ADGRB1: variants seen among roughly 807,000 people sequenced by gnomAD.
The protein encoded by ADGRB1 is adhesion G protein-coupled receptor B1.
ADGRB1 carries 36 observed loss-of-function variants against 175.7 expected under a neutral mutation model. That is an observed-to-expected ratio of 0.20 (90% CI 0.16 to 0.27). ADGRB1 has a LOEUF of 0.27. ADGRB1 is among the 10% of genes least tolerant of loss of function. ADGRB1 has a pLI of 1.00. For synonymous variants in ADGRB1, 1,054 were observed against 979.4 expected (o/e 1.08, Z -1.42); for missense variants, 1,731 against 2,255.3 (o/e 0.77, Z 4.71).
chr8:142,469,712 T>C (rs1840541450), intron 2 of ADGRB1, among the ~76,000 whole-genome samples: 1 of 151,726 alleles, frequency 6.6e-6, no homozygotes, highest in Admixed American at 6.6e-5. Context: ...TGTGTGTGAA[T>C]GTGAGTGCAT....
At chr8:142,482,927 G>A (rs1841438800) in intron 11 of ADGRB1, among the ~76,000 whole-genome samples, 1 of 148,632 alleles carries the variant, frequency 6.7e-6, no homozygotes, top group African/African-American at 2.5e-5. Context: ...GTCACAAACT[G>A]AGCCCTGATC....
intron 1 of ADGRB1, among the ~76,000 whole-genome samples, chr8:142,453,295 GT>G (rs1839472397): frequency 6.6e-6 from 1 of 152,234 alleles, no homozygotes; most frequent in Admixed American, 6.5e-5. Context: ...TCTCGCGCCG[GT>G]GTGGCCCCGG....
chr8:142,480,273 G>C (rs138514919), intron 9 of ADGRB1, among the ~76,000 whole-genome samples: 1 of 152,322 alleles, frequency 6.6e-6, no homozygotes, highest in Non-Finnish European at 1.5e-5. Context: ...CAGGCAGCAG[G>C]CAGAGAGGAT....
rs747615332 is a variant in ADGRB1 at position 142,542,500 on chromosome 8, C to T, written c.4266C>T (p.Pro1422=). ...PPPPPPPPPP[P]QQPLPPPPNL... ...CTCCGCCCCCACCGCCACCACCTCC[C>T]CAGCAGCCCCTGCCCCCACCGCCCA... The change falls in exon 28 of 31, where the codon CCC becomes CCT. Residue 1422 remains proline (P), a synonymous_variant. Coordinates refer to ENST00000517894, the MANE Select transcript of ADGRB1 (RefSeq NM_001702.3). The surrounding 1 kb of genome is among the most constrained non-coding windows in gnomAD (Gnocchi z 6.3). 165 of 1,393,208 alleles carry T rather than the reference C, an allele frequency of 1.2e-4. 1 individual carries two copies. In the South Asian group the frequency reaches 2.2e-3, roughly 19 times the overall value. The allele number at this position is 1,393,208 out of a possible 1,614,324, so 86.3% of individuals were successfully genotyped here.
rs1184167552 is a variant in ADGRB1, at chr8:142,544,824, C to T, written c.*407C>T. 2 of 156,428 alleles carry T rather than the reference C, an allele frequency of 1.3e-5. No individual in the cohort carries two copies. The highest frequency in any genetic ancestry group is 1.4e-5 in the Non-Finnish European group (1 of 70,980). The allele number at this position is 156,428 out of a possible 1,614,324, so 9.7% of individuals were successfully genotyped here. On this transcript the variant is annotated 3_prime_UTR_variant, in exon 31 of 31. Transcript: ENST00000517894. ...CCGTTTTTTAAACACCCCCATCCCT[C>T]GGGAAGCAGCCAGCTCCCCACACCT...
intron 13 of ADGRB1, 112 bp from the exon 14 acceptor site, chr8:142,488,252 G>A (rs568859398): frequency 8.3e-6 from 12 of 1,438,088 alleles, no homozygotes; most frequent in African/African-American, 5.6e-5. Flanking sequence ...TGGGCACCCC[G>A]CGGCATCAGC....
intron 2 of ADGRB1, 86 bp downstream of exon 2, chr8:142,465,068 AAGTG>A: frequency 5.0e-6 from 5 of 998,120 alleles, no homozygotes; most frequent in South Asian, 1.7e-5. Context: ...CGGATGGGGG[AAGTG>A]GGCGGACAGA....
At chr8:142,497,733 C>T (rs1042778440) in intron 17 of ADGRB1, among the ~76,000 whole-genome samples, 3 of 152,240 alleles carry the variant, frequency 2.0e-5, no homozygotes, top group Non-Finnish European at 4.4e-5. Flanking sequence ...TCCCGGGTAC[C>T]CCTTTCTCTG....
Position 142,478,368 on chromosome 8 carries a change from G to T in ADGRB1, c.1561+8G>T, listed in dbSNP as rs777883750. 2.5e-5 allele frequency: 40 copies of T among 1,590,682 alleles called. No individual in the cohort carries two copies. Among genetic ancestry groups the T allele is most frequent in the Non-Finnish European group, 3.4e-5 (40 of 1,167,358 alleles). ...TCCTGCAGCAGTGCCCAGGTCAGGG[G>T]TGCGCCAGGCTGGGGTCGGGGGGCA... On this transcript the variant is annotated splice_region_variant and intron_variant, in intron 7 of 30. Transcript: ENST00000517894.
intron 19 of ADGRB1, 77 bp downstream of exon 19, chr8:142,518,318 C>T (rs1587395344): frequency 1.9e-5 from 29 of 1,494,982 alleles, no homozygotes; most frequent in South Asian, 9.2e-5. Context: ...AGGTCACGGG[C>T]GGGGTCGTGG....
intron 30 of ADGRB1, 93 bp from the exon 31 acceptor site, chr8:142,544,127 C>T: frequency 7.3e-7 from 1 of 1,362,910 alleles, no homozygotes; most frequent in Non-Finnish European, 1.0e-6. Flanking sequence ...GTCCCTTCCT[C>T]ACTGATTCGT....
chr8:142,518,832 G>A (rs1333738981), intron 19 of ADGRB1, among the ~76,000 whole-genome samples: 4 of 152,254 alleles, frequency 2.6e-5, no homozygotes, highest in African/African-American at 7.2e-5. Flanking sequence ...GTGTGGAGCA[G>A]GGAGCAAGGG....
Position 142,474,795 on chromosome 8 carries a change from G to T in ADGRB1, c.785-679G>T, listed in dbSNP as rs75381768. The stretch of plus-strand genomic sequence containing the variant: ...GAGCGGCCGGGGTCAGGGCAGGGGC[G>T]TGGCGGGGAGGCGCCTGCAGGCATT... On this transcript the variant is annotated intron_variant, in intron 2 of 30. Coordinates refer to ENST00000517894, the MANE Select transcript of ADGRB1 (RefSeq NM_001702.3). The surrounding 1 kb of genome is among the most constrained non-coding windows in gnomAD (Gnocchi z 5.8). Among the ~76,000 whole-genome samples the T allele has an allele frequency of 0.14, 21,136 of 152,108 alleles. 1,706 individuals are homozygous for T. Among genetic ancestry groups the T allele is most frequent in the East Asian group, 0.24 (1,212 of 5,144 alleles).
chr8:142,456,589 T>C (rs1839697517), intron 1 of ADGRB1, among the ~76,000 whole-genome samples: 1 of 152,176 alleles, frequency 6.6e-6, no homozygotes, highest in Non-Finnish European at 1.5e-5. Flanking sequence ...CACGCACACA[T>C]ATGTGCAGCA....
chr8:142,468,170 CAT>C (rs1416787987), intron 2 of ADGRB1, among the ~76,000 whole-genome samples: 1 of 151,888 alleles, frequency 6.6e-6, no homozygotes, highest in Admixed American at 6.6e-5. Context: ...TGTGCTCATG[CAT>C]ATATGTGGTG....
rs761237409 is a variant in ADGRB1 at position 142,521,975 on chromosome 8, C to T, written c.3035C>T (p.Thr1012Met). Residue 1012 changes from threonine (T) to methionine (M), a missense_variant, in exon 21 of 31, where the codon ACG (threonine) becomes ATG (methionine). By Grantham distance (81) the Thr-to-Met change is moderately conservative. Around this residue, in one of 8 missense-constraint regions of ADGRB1, gnomAD observed 301 missense variants for 488.4 expected, o/e 0.62. Transcript: ENST00000517894. Reference protein sequence around the residue: ...QTQTRNKVVCTLVAAFLHFFF... With the variant: ...QTQTRNKVVCMLVAAFLHFFF... ...CTGGGCCCCACACAGGTGGTGTGCA[C>T]GCTGGTGGCCGCCTTCCTGCACTTC... 5.6e-6 allele frequency: 9 copies of T among 1,594,168 alleles called. No homozygotes were observed. Among genetic ancestry groups the T allele is most frequent in the African/African-American group, 1.3e-5 (1 of 74,576 alleles).
intron 24 of ADGRB1, among the ~76,000 whole-genome samples, chr8:142,527,716 C>T (rs562352802): frequency 7.0e-4 from 107 of 152,332 alleles, no homozygotes; most frequent in African/African-American, 2.4e-3. Context: ...CAGGGCTACA[C>T]ATCCAGGGTC....
In ADGRB1 at chr8:142,537,835, G is replaced by A. The variant is rs536862491; in HGVS notation, c.3666+753G>A. On this transcript the variant is annotated intron_variant, in intron 26 of 30. Transcript: ENST00000517894. The surrounding 1 kb of genome is among the most constrained non-coding windows in gnomAD (Gnocchi z 4.6). ...TGGAGCCTCAACTCTTCCACACCTC[G>A]ACCTCAGCATCTTCCTCCTGCAGCC... 2.0e-5 allele frequency among the ~76,000 whole-genome samples: 3 copies of A among 152,194 alleles called. No individual in the cohort carries two copies. Among genetic ancestry groups the A allele is most frequent in the East Asian group, 3.9e-4 (2 of 5,176 alleles).
intron 15 of ADGRB1, 38 bp from the exon 16 acceptor site, chr8:142,489,298 G>A: frequency 1.2e-6 from 2 of 1,607,224 alleles, no homozygotes; most frequent in Non-Finnish European, 1.7e-6. Context: ...CCTGGGCTGG[G>A]AGGGCTCCCC....
Sources: allele counts gnomAD v4.1 joint callset (sites outside exome capture counted in the v4.1 genomes callset), GRCh38; gene constraint gnomAD v4.1.1; regional missense constraint gnomAD v4.1.1; non-coding constraint Gnocchi (gnomAD v3.1); transcripts MANE v1.5; gene names NCBI Gene and HGNC (gene_info 2026-07-23, HGNC 2026-07-21).